Variants in FGF14 observed in about 807,000 individuals in gnomAD.
FGF14 encodes the protein fibroblast growth factor homologous factor 4.
In FGF14, 5 loss-of-function variants were observed where a neutral mutation model predicts 25.5. The ratio of observed to expected loss-of-function variants is 0.20; its 90% CI spans 0.10 to 0.41. FGF14 has a LOEUF of 0.41. Ranked by LOEUF, FGF14 falls within the 10% of genes least tolerant of loss-of-function variation. The probability of loss-of-function intolerance (pLI) is 1.00; values close to 1 mark genes in which losing one functional copy is unlikely to be tolerated. For synonymous variants in FGF14, 138 were observed against 118.3 expected, an observed-to-expected ratio of 1.17 and a Z score of -1.08; for missense variants, 222 against 320.1, an observed-to-expected ratio of 0.69 and a Z score of 2.34.
intron 1 of FGF14, among the ~76,000 whole-genome samples, chr13:102,091,128 T>C (rs1384643102): frequency 6.6e-6 from 1 of 152,146 alleles, no homozygotes; most frequent in Non-Finnish European, 1.5e-5. Flanking sequence ...AATATGCAAA[T>C]GCTTAGGTAC....
intron 3 of FGF14, among the ~76,000 whole-genome samples, chr13:101,731,256 T>C (rs899602263): frequency 2.0e-5 from 3 of 152,234 alleles, no homozygotes; most frequent in Non-Finnish European, 4.4e-5. Context: ...ATGAAAATGC[T>C]TATTTAAATT....
chr13:102,371,847 TAAC>T (rs763077508), intron 1 of FGF14, among the ~76,000 whole-genome samples: 3 of 152,176 alleles, frequency 2.0e-5, no homozygotes, highest in Non-Finnish European at 4.4e-5. Context: ...AAAATGTACA[TAAC>T]AAGCTTTAAA....
At chr13:102,158,203 G>C (rs563210853) in intron 1 of FGF14, among the ~76,000 whole-genome samples, 2 of 152,080 alleles carry the variant, frequency 1.3e-5, no homozygotes, top group Admixed American at 1.3e-4. Flanking sequence ...TCATGCTGCT[G>C]TAAAGACACA....
chr13:102,223,124 T>A (rs9300722), intron 1 of FGF14, among the ~76,000 whole-genome samples: 30,204 of 152,074 alleles, frequency 0.2, 3,389 homozygotes, highest in Non-Finnish European at 0.26. Flanking sequence ...TAGAGAAAAA[T>A]CACCCCAGAA....
In FGF14 at chr13:102,369,124, G is replaced by A. The variant is rs1465160674; in HGVS notation, c.208+32347C>T. ...ACTGGAATCATTGGCCCATTTACAT[G>A]CCCAAGTCACAGCCTAACACTAGAA... On this transcript the variant is annotated intron_variant, in intron 1 of 4. Transcript: ENST00000376131. Among the ~76,000 whole-genome samples the A allele has an allele frequency of 2.6e-5, 4 of 152,158 alleles. No homozygotes were observed. The East Asian group carries it at 5.8e-4, about 22-fold the overall frequency.
At chr13:101,960,700 G>A (rs1449688732) in intron 1 of FGF14, among the ~76,000 whole-genome samples, 2 of 152,176 alleles carry the variant, frequency 1.3e-5, no homozygotes, top group Non-Finnish European at 2.9e-5. Flanking sequence ...TCCTTCGGGT[G>A]TATATCCAGT....
chr13:102,128,132 G>A (rs1377416395), intron 1 of FGF14, among the ~76,000 whole-genome samples: 1 of 133,714 alleles, frequency 7.5e-6, no homozygotes, highest in Non-Finnish European at 1.8e-5. Flanking sequence ...TACTAACAAG[G>A]GAACCTTGGA....
chr13:102,131,527 T>A (rs2046196223), intron 1 of FGF14, among the ~76,000 whole-genome samples: 1 of 152,154 alleles, frequency 6.6e-6, no homozygotes, highest in South Asian at 2.1e-4. Flanking sequence ...CATTCTCATC[T>A]CCATGGTGTC....
intron 3 of FGF14, among the ~76,000 whole-genome samples, chr13:101,817,637 GA>G: frequency 6.6e-6 from 1 of 152,280 alleles, no homozygotes; most frequent in East Asian, 1.9e-4. Flanking sequence ...TTTAACTGGT[GA>G]AAAGTTGGAG....
intron 3 of FGF14, among the ~76,000 whole-genome samples, chr13:101,823,672 G>A (rs1190873087): frequency 2.7e-5 from 4 of 150,526 alleles, no homozygotes; most frequent in African/African-American, 7.3e-5. Flanking sequence ...CCCGACCTGA[G>A]GTGATCCACC....
intron 1 of FGF14, among the ~76,000 whole-genome samples, chr13:102,006,790 T>C (rs113217206): frequency 0.024 from 2,996 of 123,732 alleles, 145 homozygotes; most frequent in African/African-American, 0.088. Flanking sequence ...CAGGTCGGAC[T>C]GCGGACTGCA....
At chr13:101,934,268 A>G (rs2034957417) in intron 1 of FGF14, among the ~76,000 whole-genome samples, 1 of 152,254 alleles carries the variant, frequency 6.6e-6, no homozygotes, top group African/African-American at 2.4e-5. Flanking sequence ...ACATTTTAGT[A>G]CTACCTATCA....
intron 1 of FGF14, among the ~76,000 whole-genome samples, chr13:102,063,039 T>A (rs1342772568): frequency 1.3e-5 from 2 of 152,186 alleles, no homozygotes; most frequent in Admixed American, 6.5e-5. Flanking sequence ...ACTATAGAAT[T>A]TCTGAATCTA....
chr13:101,780,975 G>A (rs1174309075), intron 3 of FGF14, among the ~76,000 whole-genome samples: 1 of 151,900 alleles, frequency 6.6e-6, no homozygotes, highest in African/African-American at 2.4e-5. Flanking sequence ...CCTCTATTTC[G>A]TGCGCGTGCC....
intron 1 of FGF14, among the ~76,000 whole-genome samples, chr13:102,369,643 A>G (rs947065147): frequency 3.9e-5 from 6 of 152,170 alleles, no homozygotes; most frequent in African/African-American, 7.2e-5. Context: ...GTGTGTTTAA[A>G]GACCTCACAC....
intron 1 of FGF14, among the ~76,000 whole-genome samples, chr13:102,366,203 G>A (rs951631509): frequency 3.9e-5 from 6 of 152,044 alleles, no homozygotes; most frequent in African/African-American, 7.2e-5. Context: ...CTACTGACTC[G>A]TACCCAGTCT....
At chr13:102,028,236 T>A (rs930776738) in intron 1 of FGF14, among the ~76,000 whole-genome samples, 1 of 152,098 alleles carries the variant, frequency 6.6e-6, no homozygotes, top group East Asian at 1.9e-4. Flanking sequence ...TAGTCACTAA[T>A]GTGCTGGTAT....
chr13:101,956,709 G>A (rs755137701), intron 1 of FGF14, among the ~76,000 whole-genome samples: 91 of 148,688 alleles, frequency 6.1e-4, no homozygotes, highest in Non-Finnish European at 1.1e-3. Flanking sequence ...TGCAAAAGGA[G>A]TCACAGTTGG....
intron 3 of FGF14, among the ~76,000 whole-genome samples, chr13:101,784,416 A>T (rs904744224): frequency 2.0e-5 from 3 of 152,116 alleles, no homozygotes; most frequent in African/African-American, 7.2e-5. Context: ...TTCAGATCCC[A>T]CAAGGCTCCA....
Sources: gnomAD v4.1 joint callset for allele counts (sites outside exome capture counted in the v4.1 genomes callset) on GRCh38, gnomAD v4.1.1 for gene constraint, MANE v1.5 for transcripts, NCBI Gene and HGNC (gene_info 2026-07-23, HGNC 2026-07-21) for gene names.